ZFHX2: variants seen among roughly 807,000 people sequenced by gnomAD.
ZFHX2 encodes the protein zinc finger homeobox 2, also known as zinc finger homeobox protein 2.
In ZFHX2, 75 loss-of-function variants were observed where a neutral mutation model predicts 164.8. The ratio of observed to expected loss-of-function variants is 0.46; its 90% CI spans 0.38 to 0.55. ZFHX2 has a LOEUF of 0.55. Among genes scored for constraint, ZFHX2 ranks in the 20% least tolerant of loss-of-function variants. The probability of loss-of-function intolerance (pLI) is 0.00; values close to 1 mark genes in which losing one functional copy is unlikely to be tolerated. For missense variants in ZFHX2, 2,933 were observed against 3,308.0 expected, an observed-to-expected ratio of 0.89 and a Z score of 2.78; for synonymous variants, 1,217 against 1,351.4, an observed-to-expected ratio of 0.90 and a Z score of 2.18.
chr14:23,524,457 G>A lies in ZFHX2; in HGVS notation c.5485C>T (p.Pro1829Ser). The change falls in exon 9 of 10, where the codon CCT becomes TCT. Residue 1829 changes from proline (P) to serine (S), a missense_variant. By Grantham distance (74) the Pro-to-Ser change is moderately conservative (BLOSUM62 -1). Coordinates refer to ENST00000419474, the MANE Select transcript of ZFHX2 (RefSeq NM_033400.3). The surrounding 1 kb of genome is among the most constrained non-coding windows in gnomAD (Gnocchi z 5.6). ...CCGTCCTCATGCTTCCGTTTGAGAG[G>A]TGGACCTGGCATTGGTGAGGTGGCT... Reference protein sequence around the residue: ...VAATSPMPGPPLKRKHEDGSL... With the variant: ...VAATSPMPGPSLKRKHEDGSL... 1 of 1,535,486 alleles carries A rather than the reference G, an allele frequency of 6.5e-7. No individual in the cohort carries two copies.
intron 1 of ZFHX2, among the ~76,000 whole-genome samples, chr14:23,549,702 C>T (rs1881769658): frequency 6.6e-6 from 1 of 152,124 alleles, no homozygotes; most frequent in Non-Finnish European, 1.5e-5. Context: ...TGTCCCCTTA[C>T]AAAATCAAAG....
In ZFHX2 at chr14:23,526,508, G is replaced by T. The variant is rs1283643653; in HGVS notation, c.3434C>A (p.Thr1145Asn). 2.0e-6 allele frequency: 3 copies of T among 1,536,036 alleles called. No homozygotes were observed. The highest frequency in any genetic ancestry group is 2.4e-5 in the East Asian group (1 of 40,848). Residue 1145 changes from threonine to asparagine, a missense_variant, in exon 9 of 10, where the codon ACC becomes AAC. Transcript: ENST00000419474. ...GGTCCCCTCTTCCTCCTCAGCCATG[G>T]TGGGCGGAGGAGCTACGTCTTCAGC... The part of the protein sequence containing the change: ...AQAEDVAPPP[T>N]MAEEEEGTTG...
rs1283017937 is a variant in ZFHX2 at position 23,522,293 on chromosome 14, T to C, written c.7388A>G (p.Glu2463Gly). 4.0e-6 allele frequency: 6 copies of C among 1,507,520 alleles called. No homozygotes were observed. The Admixed American group carries it at 1.2e-4, about 31-fold the overall frequency. The allele number at this position is 1,507,520 out of a possible 1,614,324, so 93.4% of individuals were successfully genotyped here. A position where few individuals can be genotyped will look rare whatever the true frequency, so the allele number is the denominator to read the frequency against. The change falls in exon 10 of 10, where the codon GAG becomes GGG. Residue 2463 changes from glutamate to glycine, a missense_variant. By Grantham distance (98) the Glu-to-Gly change is moderately conservative. Transcript: ENST00000419474. The part of the protein sequence containing the change: ...CRQCKMAFDG[E>G]APATAHQRSF... ...TCTCTGGTGGGCAGTAGCCGGGGCC[T>C]CCCCGTCAAATGCCATCTTGCACTG...
At position 23,525,106 on chromosome 14, in the gene ZFHX2, A is replaced by G; in HGVS notation, c.4836T>C (p.Ser1612=). 1 of 1,536,192 alleles carries G rather than the reference A, an allele frequency of 6.5e-7. No homozygotes were observed. The highest frequency in any genetic ancestry group is 1.2e-5 in the South Asian group (1 of 84,060). ...TGGGGTAGGCGCTAGTCTCAAAGAA[A>G]GACTGCAGGGCTTGGGTCTGGAACT... ...FTEFQTQALQ[S]FFETSAYPKD... Residue 1612 remains serine (S), a synonymous_variant, in exon 9 of 10, where the codon TCT becomes TCC. Transcript: ENST00000419474. The surrounding 1 kb of genome is among the most constrained non-coding windows in gnomAD (Gnocchi z 5.9).
intron 1 of ZFHX2, among the ~76,000 whole-genome samples, chr14:23,539,659 C>T (rs531175709): frequency 2.6e-5 from 4 of 152,256 alleles, no homozygotes; most frequent in East Asian, 1.9e-4. Context: ...TCAGGCTGGC[C>T]GGCAGAACTG....
In ZFHX2 at chr14:23,537,703, C is replaced by T. The variant is rs191341152; in HGVS notation, c.-49-2329G>A. ...GTGAAGGAACTGGACTGAGGGGAGC[C>T]GATTTCTCGATAACCAGAAAGCAGA... is the stretch of plus-strand genomic sequence containing the variant. On this transcript the variant is annotated intron_variant, in intron 1 of 9. Transcript: ENST00000419474. Among the ~76,000 whole-genome samples, 13 of 152,206 alleles carry T rather than the reference C, an allele frequency of 8.5e-5. No homozygotes were observed. In the East Asian group the frequency reaches 9.6e-4, roughly 11 times the overall value.
chr14:23,532,551 C>A lies in ZFHX2; in HGVS notation c.2559+16G>T. 1 of 1,432,740 alleles carries A rather than the reference C, an allele frequency of 7.0e-7. No homozygotes were observed. Among genetic ancestry groups the A allele is most frequent in the Non-Finnish European group, 9.1e-7 (1 of 1,096,632 alleles). 88.8% of individuals were successfully genotyped at this position (1,432,740 alleles called of 1,614,324 possible). A position where few individuals can be genotyped will look rare whatever the true frequency, so the allele number is the denominator to read the frequency against. On this transcript the variant is annotated intron_variant, in intron 3 of 9. Transcript: ENST00000419474. Reference sequence around the variant, plus strand: ...CCCTTCTCCTCTTCCGATGGCCCTTCCTGACCCAGCCTCACCTTATAGATT... The same window carrying A: ...CCCTTCTCCTCTTCCGATGGCCCTTACTGACCCAGCCTCACCTTATAGATT...
At position 23,522,629 on chromosome 14, in the gene ZFHX2, G is replaced by T. The variant is rs1262785342; in HGVS notation, c.7052C>A (p.Pro2351His). The T allele has an allele frequency of 1.3e-6, 2 of 1,535,178 alleles. No individual in the cohort carries two copies. Among genetic ancestry groups the T allele is most frequent in the South Asian group, 1.2e-5 (1 of 84,016 alleles). ...LGGQFLPFPL[P>H]PAGGTAPPAV... ...TGGCGGTGCTGTTCCCCCAGCAGGGGGCAATGGAAAGGGCAGGAACTGGCC... is the reference window on the plus strand; with the variant it reads ...TGGCGGTGCTGTTCCCCCAGCAGGGTGCAATGGAAAGGGCAGGAACTGGCC... The change falls in exon 10 of 10, where the codon CCC becomes CAC. Residue 2351 changes from proline (P) to histidine (H), a missense_variant. Pro to His is a moderately conservative substitution (Grantham distance 77). Coordinates refer to ENST00000419474, the MANE Select transcript of ZFHX2 (RefSeq NM_033400.3).
chr14:23,541,044 T>C (rs1880749224), intron 1 of ZFHX2, among the ~76,000 whole-genome samples: 1 of 151,968 alleles, frequency 6.6e-6, no homozygotes, highest in South Asian at 2.1e-4. Context: ...GTAGCTGGGA[T>C]TACAGGTGCA....
chr14:23,532,921 C>T lies in ZFHX2; in HGVS notation c.2205G>A (p.Leu735=), dbSNP rs1476437859. 1.3e-6 allele frequency: 2 copies of T among 1,536,194 alleles called. No individual in the cohort carries two copies. Among genetic ancestry groups the T allele is most frequent in the Non-Finnish European group, 1.7e-6 (2 of 1,146,908 alleles). The part of the protein sequence containing the change: ...QAFSTDSLEL[L]LYHCSIGRSL... ...TCCGGCCTATGCTGCAGTGGTAGAGCAGCAGCTCCAGGCTGTCTGTGCTGA... is the reference window on the plus strand; with the variant it reads ...TCCGGCCTATGCTGCAGTGGTAGAGTAGCAGCTCCAGGCTGTCTGTGCTGA... Residue 735 remains leucine, a synonymous_variant, in exon 3 of 10, where the codon CTG becomes CTA. Transcript: ENST00000419474.
rs921406548 is a variant in ZFHX2 at position 23,546,981 on chromosome 14, C to T, written c.-50+4362G>A. Among the ~76,000 whole-genome samples the T allele has an allele frequency of 6.6e-6, 1 of 152,242 alleles. No individual in the cohort carries two copies. The highest frequency in any genetic ancestry group is 1.5e-5 in the Non-Finnish European group (1 of 68,044). On this transcript the variant is annotated intron_variant, in intron 1 of 9. Transcript: ENST00000419474. The surrounding 1 kb of genome is among the most constrained non-coding windows in gnomAD (Gnocchi z 4.7). The stretch of plus-strand genomic sequence containing the variant: ...CTGTCTTCTTTTGTAGATTTCTCAA[C>T]CCATTCAGGGGCTTTTTGGCCCTTC...
chr14:23,522,174 G>A lies in ZFHX2; in HGVS notation c.7507C>T (p.Leu2503=). The A allele has an allele frequency of 6.7e-7, 1 of 1,497,832 alleles. No individual in the cohort carries two copies. The highest frequency in any genetic ancestry group is 2.5e-5 in the East Asian group (1 of 40,724). The allele number at this position is 1,497,832 out of a possible 1,614,324, so 92.8% of individuals were successfully genotyped here. ...GCTAGGGCTTCACGCCCACTCAGCA[G>A]CACCTCACATGCCAGGCAGTGGTAG... ...CTYHCLACEV[L]LSGREALASH... is the part of the protein sequence containing the mutation. The change falls in exon 10 of 10, where the codon CTG becomes TTG. Residue 2503 remains leucine, a synonymous_variant. Coordinates refer to ENST00000419474, the MANE Select transcript of ZFHX2 (RefSeq NM_033400.3).
Position 23,523,314 on chromosome 14 carries a change from C to T in ZFHX2, c.6628G>A (p.Ala2210Thr). ...GGGGCAGCCCCGAGGGGCATGGAGG[C>T]AGGTGTGGTGGCAGGTGGGGCCTTG... ...ALKAPPATTPASMPLGAAPTL... is the reference protein window; with the variant it reads ...ALKAPPATTPTSMPLGAAPTL... Residue 2210 changes from alanine to threonine, a missense_variant, in exon 9 of 10, where the codon GCC becomes ACC. Physicochemically the swap from Ala to Thr is moderately conservative, Grantham distance 58. Transcript: ENST00000419474. The surrounding 1 kb of genome is among the most constrained non-coding windows in gnomAD (Gnocchi z 4.1). The T allele has an allele frequency of 6.9e-7, 1 of 1,451,618 alleles. No individual in the cohort carries two copies. The highest frequency in any genetic ancestry group is 1.4e-5 in the African/African-American group (1 of 70,296). The allele number at this position is 1,451,618 out of a possible 1,614,324, so 89.9% of individuals were successfully genotyped here. A position where few individuals can be genotyped will look rare whatever the true frequency, so the allele number is the denominator to read the frequency against.
chr14:23,523,424 T>C lies in ZFHX2; in HGVS notation c.6518A>G (p.Lys2173Arg). 6.5e-7 allele frequency: 1 copy of C among 1,532,848 alleles called. No homozygotes were observed. The highest frequency in any genetic ancestry group is 8.7e-7 in the Non-Finnish European group (1 of 1,145,266). The allele number at this position is 1,532,848 out of a possible 1,614,324, so 95.0% of individuals were successfully genotyped here. Residue 2173 changes from lysine (K) to arginine (R), a missense_variant, in exon 9 of 10, where the codon AAG becomes AGG. Lys to Arg is a conservative substitution (Grantham distance 26, BLOSUM62 2). Transcript: ENST00000419474. The surrounding 1 kb of genome is among the most constrained non-coding windows in gnomAD (Gnocchi z 4.1). ...CTGGGCTCGAACCGCCTCCTTGAGC[T>C]TGGCCAGGTGCTGACGGGAAAAGAG... ...GHLFSRQHLA[K>R]LKEAVRAQLK...
At chr14:23,541,287 ATTTT>A (rs34645391) in intron 1 of ZFHX2, among the ~76,000 whole-genome samples, 2 of 130,064 alleles carry the variant, frequency 1.5e-5, no homozygotes, top group Non-Finnish European at 1.6e-5. Flanking sequence ...GATGGACAGG[ATTTT>A]TTTTTTTTTT....
At chr14:23,531,285 C>A in intron 4 of ZFHX2, 196 bp downstream of exon 4, 1 of 769,008 alleles carries the variant, frequency 1.3e-6, no homozygotes, top group Admixed American at 4.2e-5. Context: ...CTTCTTTGCC[C>A]CTCCACTCAA....
At position 23,534,411 on chromosome 14, in the gene ZFHX2, G is replaced by T. The variant is rs774469373; in HGVS notation, c.915C>A (p.Pro305=). ...KLPARPSSDI[P]LDNSSTVNME... ...TGTTCACTGTGCTGCTGTTGTCAAG[G>T]GGTATGTCAGAAGAGGGGCGAGCAG... The change falls in exon 2 of 10, where the codon CCC becomes CCA. Residue 305 remains proline, a synonymous_variant. Coordinates refer to ENST00000419474, the MANE Select transcript of ZFHX2 (RefSeq NM_033400.3). This position sits in a 1 kb window ranked among gnomAD's most constrained non-coding sequence, Gnocchi z 4.5. 1.3e-6 allele frequency: 2 copies of T among 1,536,706 alleles called. No individual in the cohort carries two copies. Among genetic ancestry groups the T allele is most frequent in the Admixed American group, 2.0e-5 (1 of 50,988 alleles).
At position 23,524,552 on chromosome 14, in the gene ZFHX2, T is replaced by G. The variant is rs568034017; in HGVS notation, c.5390A>C (p.Gln1797Pro). The G allele has an allele frequency of 5.2e-6, 8 of 1,531,170 alleles. No homozygotes were observed. The South Asian group carries it at 9.6e-5, about 18-fold the overall frequency. 94.8% of individuals were successfully genotyped at this position (1,531,170 alleles called of 1,614,324 possible). The change falls in exon 9 of 10, where the codon CAG (glutamine) becomes CCG (proline). Residue 1797 changes from glutamine (Q) to proline (P), a missense_variant. Transcript: ENST00000419474. The surrounding 1 kb of genome is among the most constrained non-coding windows in gnomAD (Gnocchi z 5.6). Reference sequence around the variant, plus strand: ...TAGGAGTTGGGGGGGAGCACTGGGCTGCAGAGATGGCAGGAAATGTAGTCG... The same window carrying G: ...TAGGAGTTGGGGGGGAGCACTGGGCGGCAGAGATGGCAGGAAATGTAGTCG... ...HRRLHFLPSLQPSAPPQLLDL... is the reference protein window; with the variant it reads ...HRRLHFLPSLPPSAPPQLLDL...
chr14:23,530,641 T>C, intron 4 of ZFHX2: 2 of 346,028 alleles, frequency 5.8e-6, no homozygotes, highest in Non-Finnish European at 5.6e-6. Context: ...CAAGTAAGAA[T>C]TGACAGATGT....
Sources: allele counts gnomAD v4.1 joint callset (sites outside exome capture counted in the v4.1 genomes callset), GRCh38; gene constraint gnomAD v4.1.1; non-coding constraint Gnocchi (gnomAD v3.1); transcripts MANE v1.5; gene names NCBI Gene and HGNC (gene_info 2026-07-23, HGNC 2026-07-21).